Variants in ZBTB43 observed in about 807,000 individuals in gnomAD.
ZBTB43 encodes the protein zinc finger and BTB domain-containing protein 43.
ZBTB43 carries 6 observed loss-of-function variants against 31.1 expected under a neutral mutation model. The ratio of observed to expected loss-of-function variants is 0.19; its 90% CI spans 0.11 to 0.38. The LOEUF (loss-of-function observed/expected upper bound fraction) is 0.38, where lower values mean the gene tolerates loss of function less well. Among genes scored for constraint, ZBTB43 ranks in the 10% least tolerant of loss-of-function variants. The pLI is 1.00. For missense variants in ZBTB43, 379 were observed against 602.1 expected (o/e 0.63, Z 3.88); for synonymous variants, 212 against 221.7 (o/e 0.96, Z 0.39).
At chr9:126,817,677 T>A (rs770534511) in intron 2 of ZBTB43, among the ~76,000 whole-genome samples, 9 of 151,862 alleles carry the variant, frequency 5.9e-5, no homozygotes. Context: ...GGGGTTTCAC[T>A]GTGTTAGTCA....
chr9:126,807,041 G>T (rs901690761), intron 1 of ZBTB43, among the ~76,000 whole-genome samples: 2 of 152,254 alleles, frequency 1.3e-5, no homozygotes, highest in Middle Eastern at 3.4e-3. Flanking sequence ...CGTTATGGGG[G>T]ATGCCTTTGT....
chr9:126,820,596 C>T (rs2032488229), intron 2 of ZBTB43, among the ~76,000 whole-genome samples: 1 of 152,188 alleles, frequency 6.6e-6, no homozygotes, highest in Non-Finnish European at 1.5e-5. Flanking sequence ...GTATTGTTTT[C>T]ATGCCTGTTA....
chr9:126,821,734 A>G (rs1037175914), intron 2 of ZBTB43, among the ~76,000 whole-genome samples: 2 of 152,246 alleles, frequency 1.3e-5, no homozygotes, highest in African/African-American at 4.8e-5. Context: ...TGGTGTGAAC[A>G]TTATTGACAA....
rs373114925 is a variant in ZBTB43, at chr9:126,826,685, C to T, written c.-23-5802C>T. 8.9e-4 allele frequency among the ~76,000 whole-genome samples: 135 copies of T among 150,928 alleles called. 1 individual carries two copies. Among genetic ancestry groups the T allele is most frequent in the Middle Eastern group, 6.8e-3 (2 of 292 alleles). The stretch of plus-strand genomic sequence containing the variant: ...TTCACCGTGTTAGCCAGGAGGGTCT[C>T]GATCTCCTGACCTCGTGATCCTCAC... On this transcript the variant is annotated intron_variant, in intron 2 of 2. Coordinates refer to ENST00000373464, the MANE Select transcript of ZBTB43 (RefSeq NM_014007.4).
intron 2 of ZBTB43, among the ~76,000 whole-genome samples, chr9:126,830,477 T>C (rs2032741895): frequency 6.6e-6 from 1 of 152,176 alleles, no homozygotes; most frequent in South Asian, 2.1e-4. Context: ...AAACCCTGTC[T>C]CTGCAAAAAA....
chr9:126,817,675 A>C (rs1431043633), intron 2 of ZBTB43, among the ~76,000 whole-genome samples: 1 of 150,174 alleles, frequency 6.7e-6, no homozygotes, highest in Non-Finnish European at 1.5e-5. Flanking sequence ...ATGGGGTTTC[A>C]CTGTGTTAGT....
intron 2 of ZBTB43, among the ~76,000 whole-genome samples, chr9:126,824,086 G>A (rs1288492115): frequency 6.6e-6 from 1 of 151,990 alleles, no homozygotes; most frequent in Non-Finnish European, 1.5e-5. Context: ...GAGTGCAGTG[G>A]CGCAATCTCC....
intron 2 of ZBTB43, among the ~76,000 whole-genome samples, chr9:126,820,990 A>C (rs1326295212): frequency 7.6e-6 from 1 of 131,216 alleles, no homozygotes; most frequent in East Asian, 2.6e-4. Flanking sequence ...AAAAAAAAGG[A>C]TATTTTGTAA....
intron 2 of ZBTB43, among the ~76,000 whole-genome samples, chr9:126,821,074 G>T (rs1359192041): frequency 2.0e-5 from 3 of 151,384 alleles, no homozygotes; most frequent in Non-Finnish European, 4.4e-5. Flanking sequence ...AAAGTAAATT[G>T]AAAATGTTTT....
At chr9:126,828,919 A>G (rs371990814) in intron 2 of ZBTB43, among the ~76,000 whole-genome samples, 2 of 152,132 alleles carry the variant, frequency 1.3e-5, no homozygotes, top group African/African-American at 4.8e-5. Context: ...TATAAGAGAA[A>G]ACCACAAATG....
In ZBTB43 at chr9:126,833,199, C is replaced by A. The variant is rs1455706362; in HGVS notation, c.690C>A (p.Pro230=). Residue 230 remains proline (P), a synonymous_variant, in exon 3 of 3, where the codon CCC becomes CCA. Coordinates refer to ENST00000373464, the MANE Select transcript of ZBTB43 (RefSeq NM_014007.4). The surrounding 1 kb of genome is among the most constrained non-coding windows in gnomAD (Gnocchi z 7.9). ...SDSAEFHYTR[P]MYSKPSIMAH... is the part of the protein sequence containing the mutation. ...GCGCCGAGTTCCACTACACCCGGCCCATGTACAGCAAGCCCAGCATCATGG... is the reference window on the plus strand; with the variant it reads ...GCGCCGAGTTCCACTACACCCGGCCAATGTACAGCAAGCCCAGCATCATGG... 2 of 1,613,710 alleles carry A rather than the reference C, an allele frequency of 1.2e-6. No individual in the cohort carries two copies. Among genetic ancestry groups the A allele is most frequent in the Non-Finnish European group, 1.7e-6 (2 of 1,180,032 alleles).
At chr9:126,817,844 A>G (rs1272385885) in intron 2 of ZBTB43, among the ~76,000 whole-genome samples, 2 of 152,156 alleles carry the variant, frequency 1.3e-5, no homozygotes, top group Non-Finnish European at 2.9e-5. Context: ...AACAACAGCT[A>G]TACTCTCAGT....
chr9:126,825,472 C>T (rs546555228), intron 2 of ZBTB43, among the ~76,000 whole-genome samples: 12 of 152,266 alleles, frequency 7.9e-5, no homozygotes, highest in African/African-American at 2.4e-4. Context: ...TGGAAGTGGG[C>T]AGTCTGTGAT....
At chr9:126,805,861 T>TTGTC (rs58730263) in intron 1 of ZBTB43, among the ~76,000 whole-genome samples, 18,319 of 152,056 alleles carry the variant, frequency 0.12, 3,456 homozygotes, top group African/African-American at 0.4. Flanking sequence ...TTTCCTGAGT[T>TTGTC]TGGGTGGGGC....
At chr9:126,821,505 A>G (rs1160798055) in intron 2 of ZBTB43, among the ~76,000 whole-genome samples, 5 of 152,354 alleles carry the variant, frequency 3.3e-5, no homozygotes, top group East Asian at 1.9e-4. Flanking sequence ...GTTGATTCCA[A>G]CCCTCATGGA....
rs1189861664 is a variant in ZBTB43 at position 126,835,440 on chromosome 9, T to C, written c.*1527T>C. The C allele has an allele frequency of 6.0e-6, 1 of 167,062 alleles. No individual in the cohort carries two copies. Among genetic ancestry groups the C allele is most frequent in the Admixed American group, 6.5e-5 (1 of 15,282 alleles). The allele number at this position is 167,062 out of a possible 1,614,324, so 10.3% of individuals were successfully genotyped here. ...TTACTTCTAAATAGAAACTTTTTTT[T>C]CTTAAAATAAAAATAATTTTTCTTG... On this transcript the variant is annotated 3_prime_UTR_variant, in exon 3 of 3. Transcript: ENST00000373464.
Position 126,837,662 on chromosome 9 carries a change from C to T in ZBTB43, c.*3749C>T, listed in dbSNP as rs189804692. The T allele has an allele frequency of 1.8e-5, 3 of 167,164 alleles. No individual in the cohort carries two copies. Among genetic ancestry groups the T allele is most frequent in the Admixed American group, 1.3e-4 (2 of 15,300 alleles). The allele number at this position is 167,164 out of a possible 1,614,324, so 10.4% of individuals were successfully genotyped here. ...GTTATCCCCAATCCCTCCTGTGCCA[C>T]CAGTTTTGTGATTTAGGTTGCTTTA... On this transcript the variant is annotated 3_prime_UTR_variant, in exon 3 of 3. Transcript: ENST00000373464.
At chr9:126,829,787 A>G (rs1326954880) in intron 2 of ZBTB43, among the ~76,000 whole-genome samples, 1 of 152,088 alleles carries the variant, frequency 6.6e-6, no homozygotes, top group Non-Finnish European at 1.5e-5. Flanking sequence ...GCAAAATTCT[A>G]CAGTGGTGAG....
intron 2 of ZBTB43, among the ~76,000 whole-genome samples, chr9:126,826,495 G>A (rs1371342969): frequency 1.2e-5 from 1 of 82,986 alleles, no homozygotes; most frequent in East Asian, 5.8e-4. Context: ...ACAGAATCTC[G>A]TATTGTTTCC....
Sources: gnomAD v4.1 joint callset for allele counts (sites outside exome capture counted in the v4.1 genomes callset) on GRCh38, gnomAD v4.1.1 for gene constraint, Gnocchi (gnomAD v3.1) non-coding constraint, MANE v1.5 for transcripts, NCBI Gene and HGNC (gene_info 2026-07-23, HGNC 2026-07-21) for gene names.